The following B3GNT7 variants were observed in gnomAD, a reference collection of about 807,000 sequenced individuals.
B3GNT7 encodes the protein UDP-GlcNAc:betaGal beta-1,3-N-acetylglucosaminyltransferase 7.
B3GNT7 carries 9 observed loss-of-function variants against 5.1 expected under a neutral mutation model. That is an observed-to-expected ratio of 1.77 (90% confidence interval 1.07 to 3.09). The LOEUF (loss-of-function observed/expected upper bound fraction) is 3.09. B3GNT7 is among the 30% of genes most tolerant of loss of function. B3GNT7 has a pLI of 0.00. For missense variants in B3GNT7, 468 were observed against 550.8 expected (o/e 0.85, Z 1.50); for synonymous variants, 253 against 248.6 (o/e 1.02, Z -0.17).
chr2:231,396,701 G>C (rs1309471475), intron 1 of B3GNT7, among the ~76,000 whole-genome samples: 1 of 152,198 alleles, frequency 6.6e-6, no homozygotes, highest in African/African-American at 2.4e-5. Context: ...CCACTCTGCT[G>C]TCCCCAGAGC....
chr2:231,398,578 G>T lies in B3GNT7; in HGVS notation c.859G>T (p.Ala287Ser), dbSNP rs2046536798. ...AGACAACAAATACTACATCCCGGGG[G>T]CCCTGTACGGCAAGGCCAGCTATCC... ...RKDNKYYIPG[A>S]LYGKASYPPY... The change falls in exon 2 of 2, where the codon GCC (alanine) becomes TCC (serine). Residue 287 changes from alanine (A) to serine (S), a missense_variant. Ala to Ser is a moderately conservative substitution (Grantham distance 99). Transcript: ENST00000287590. The T allele has an allele frequency of 6.2e-7, 1 of 1,612,682 alleles. No individual in the cohort carries two copies. Among genetic ancestry groups the T allele is most frequent in the South Asian group, 1.1e-5 (1 of 91,038 alleles).
rs1575237791 is a variant in B3GNT7, at chr2:231,397,958, A to G, written c.239A>G (p.Gln80Arg). ...APTPMASQGP[Q>R]AWDVTTTNCS... The stretch of plus-strand genomic sequence containing the variant: ...ACGCCCATGGCCTCTCAGGGGCCCC[A>G]GGCCTGGGACGTGACCACCACTAAC... Residue 80 changes from glutamine (Q) to arginine (R), a missense_variant, in exon 2 of 2, where the codon CAG becomes CGG. Physicochemically the swap from Gln to Arg is conservative, Grantham distance 43. Transcript: ENST00000287590. 1 of 1,612,770 alleles carries G rather than the reference A, an allele frequency of 6.2e-7. No homozygotes were observed. Among genetic ancestry groups the G allele is most frequent in the South Asian group, 1.1e-5 (1 of 91,088 alleles).
Position 231,398,208 on chromosome 2 carries a change from C to T in B3GNT7, c.489C>T (p.Ser163=), listed in dbSNP as rs555697041. ...IRQTWGRERQ[S]AGGGRGAVRT... is the part of the protein sequence containing the mutation. Reference sequence around the variant, plus strand: ...AGACCTGGGGCCGCGAGCGGCAGTCCGCGGGTGGGGGCCGAGGCGCCGTGC... The same window carrying T: ...AGACCTGGGGCCGCGAGCGGCAGTCTGCGGGTGGGGGCCGAGGCGCCGTGC... Residue 163 remains serine, a synonymous_variant, in exon 2 of 2, where the codon TCC becomes TCT. Transcript: ENST00000287590. The T allele has an allele frequency of 1.1e-4, 177 of 1,596,328 alleles. 2 individuals carry two copies. The highest frequency in any genetic ancestry group is 1.1e-3 in the East Asian group (49 of 44,668).
At position 231,400,184 on chromosome 2, in the gene B3GNT7, A is replaced by G. The variant is rs1488461721; in HGVS notation, c.*1259A>G. On this transcript the variant is annotated 3_prime_UTR_variant, in exon 2 of 2. Coordinates refer to ENST00000287590, the MANE Select transcript of B3GNT7 (RefSeq NM_145236.3). ...CTGTCTGGGGCCAAGGTTGCCAGAG[A>G]TTTCTGAAGACACAGCTTGTTCCTT... 1 of 136,132 alleles carries G rather than the reference A, an allele frequency of 7.3e-6. No individual in the cohort carries two copies. Among genetic ancestry groups the G allele is most frequent in the Admixed American group, 8.5e-5 (1 of 11,810 alleles). 8.4% of individuals were successfully genotyped at this position (136,132 alleles called of 1,614,324 possible). A position where few individuals can be genotyped will look rare whatever the true frequency, so the allele number is the denominator to read the frequency against.
At position 231,395,713 on chromosome 2, in the gene B3GNT7, C is replaced by G; in HGVS notation, c.-91C>G. 8.9e-7 allele frequency: 1 copy of G among 1,121,098 alleles called. No homozygotes were observed. 69.4% of individuals were successfully genotyped at this position (1,121,098 alleles called of 1,614,324 possible). A position where few individuals can be genotyped will look rare whatever the true frequency, so the allele number is the denominator to read the frequency against. On this transcript the variant is annotated 5_prime_UTR_variant, in exon 1 of 2. Transcript: ENST00000287590. This position sits in a 1 kb window ranked among gnomAD's most constrained non-coding sequence, Gnocchi z 7.3. ...CGCGGCGGGGGCGCGGCCCGGTCTC[C>G]GTCCCCACCCGCCCGCCGTCCCGCC...
rs375567551 is a variant in B3GNT7, at chr2:231,398,795, G to T, written c.1076G>T (p.Arg359Leu). Reference sequence around the variant, plus strand: ...GGCATCTCCCGGAACCGCAACAGCCGCATGAACAAGGAGCCGTGCTTTTTC... The same window carrying T: ...GGCATCTCCCGGAACCGCAACAGCCTCATGAACAAGGAGCCGTGCTTTTTC... Reference protein sequence around the residue: ...TFGISRNRNSRMNKEPCFFRA... With the variant: ...TFGISRNRNSLMNKEPCFFRA... Residue 359 changes from arginine to leucine, a missense_variant, in exon 2 of 2, where the codon CGC becomes CTC. Physicochemically the swap from Arg to Leu is moderately radical, Grantham distance 102 (BLOSUM62 -2). Coordinates refer to ENST00000287590, the MANE Select transcript of B3GNT7 (RefSeq NM_145236.3). The T allele has an allele frequency of 4.4e-6, 7 of 1,606,308 alleles. No homozygotes were observed. Among genetic ancestry groups the T allele is most frequent in the Non-Finnish European group, 5.1e-6 (6 of 1,179,840 alleles).
chr2:231,399,169 G>A lies in B3GNT7; in HGVS notation c.*244G>A. 1 of 535,104 alleles carries A rather than the reference G, an allele frequency of 1.9e-6. No homozygotes were observed. Among genetic ancestry groups the A allele is most frequent in the Non-Finnish European group, 3.3e-6 (1 of 300,686 alleles). The allele number at this position is 535,104 out of a possible 1,614,324, so 33.1% of individuals were successfully genotyped here. On this transcript the variant is annotated 3_prime_UTR_variant, in exon 2 of 2. Coordinates refer to ENST00000287590, the MANE Select transcript of B3GNT7 (RefSeq NM_145236.3). The stretch of plus-strand genomic sequence containing the variant: ...GCCCAGTCTGGAGGCCCTCTCTGAG[G>A]AGCGAGGCGCCAGGCCCTGGCAGCC...
At chr2:231,397,696 T>G in intron 1 of B3GNT7, 35 bp from the exon 2 acceptor site, 2 of 1,531,996 alleles carry the variant, frequency 1.3e-6, no homozygotes, top group African/African-American at 2.8e-5. Flanking sequence ...GCTCATCTTT[T>G]CTCTCTCCTC....
rs116209946 is a variant in B3GNT7, at chr2:231,397,783, G to A, written c.64G>A (p.Val22Met). Residue 22 changes from valine (V) to methionine (M), a missense_variant, in exon 2 of 2, where the codon GTG becomes ATG. Physicochemically the swap from Val to Met is conservative, Grantham distance 21. Transcript: ENST00000287590. ...LCLALALLVA[V>M]TVFQRSLTPG... is the part of the protein sequence containing the mutation. ...CCTGGCCCTGGCCCTGCTCGTGGCC[G>A]TGACGGTGTTCCAACGCAGTCTCAC... is the stretch of plus-strand genomic sequence containing the variant. 1,096 of 1,613,704 alleles carry A rather than the reference G, an allele frequency of 6.8e-4. 8 individuals are homozygous for A. In the African/African-American group the frequency reaches 0.012, roughly 18 times the overall value.
rs2046507027 is a variant in B3GNT7 at position 231,395,767 on chromosome 2, AGCCGCTCGCCCCTCC to A, written c.-29_-15del. 1 of 1,170,024 alleles carries A rather than the reference AGCCGCTCGCCCCTCC, an allele frequency of 8.5e-7. No homozygotes were observed. The highest frequency in any genetic ancestry group is 1.6e-5 in the African/African-American group (1 of 61,166). 72.5% of individuals were successfully genotyped at this position (1,170,024 alleles called of 1,614,324 possible). A position where few individuals can be genotyped will look rare whatever the true frequency, so the allele number is the denominator to read the frequency against. On this transcript the variant is annotated 5_prime_UTR_variant, in exon 1 of 2. Transcript: ENST00000287590. The surrounding 1 kb of genome is among the most constrained non-coding windows in gnomAD (Gnocchi z 7.3). The stretch of plus-strand genomic sequence containing the variant: ...CCGAGCCGTGGCGCCCAGAGCTGCG[AGCCGCTCGCCCCTCC>A]GCCGCTCCGGCCCGGGCCGCCATGT...
In B3GNT7 at chr2:231,398,603, C is replaced by T. The variant is rs751482955; in HGVS notation, c.884C>T (p.Pro295Leu). ...PGALYGKASY[P>L]PYAGGGGFLM... ...GCCCTGTACGGCAAGGCCAGCTATC[C>T]GCCGTATGCAGGCGGCGGTGGCTTC... Residue 295 changes from proline to leucine, a missense_variant, in exon 2 of 2, where the codon CCG becomes CTG. Pro to Leu is a moderately conservative substitution (Grantham distance 98). Transcript: ENST00000287590. 2 of 1,612,710 alleles carry T rather than the reference C, an allele frequency of 1.2e-6. No homozygotes were observed. Among genetic ancestry groups the T allele is most frequent in the Non-Finnish European group, 1.7e-6 (2 of 1,179,588 alleles).
rs1235754077 is a variant in B3GNT7 at position 231,401,044 on chromosome 2, G to T, written c.*2119G>T. ...ACTTGATCTATTATGACCCTTTCAC[G>T]TGGACCCCTTAGAGTTGTAAGCTCT... On this transcript the variant is annotated 3_prime_UTR_variant, in exon 2 of 2. Coordinates refer to ENST00000287590, the MANE Select transcript of B3GNT7 (RefSeq NM_145236.3). 1.3e-5 allele frequency: 2 copies of T among 152,152 alleles called. No homozygotes were observed. The highest frequency in any genetic ancestry group is 2.9e-5 in the Non-Finnish European group (2 of 68,032). The allele number at this position is 152,152 out of a possible 1,614,324, so 9.4% of individuals were successfully genotyped here. A position where few individuals can be genotyped will look rare whatever the true frequency, so the allele number is the denominator to read the frequency against.
Position 231,395,896 on chromosome 2 carries a change from G to A in B3GNT7, c.11+82G>A. 1.0e-6 allele frequency: 1 copy of A among 990,292 alleles called. No homozygotes were observed. Among genetic ancestry groups the A allele is most frequent in the Non-Finnish European group, 1.3e-6 (1 of 791,538 alleles). 61.3% of individuals were successfully genotyped at this position (990,292 alleles called of 1,614,324 possible). A position where few individuals can be genotyped will look rare whatever the true frequency, so the allele number is the denominator to read the frequency against. ...CCCTCCTCCGTGGCCACAGACGGGC[G>A]CCGGGACTCCCGGGATAGGAGATGC... On this transcript the variant is annotated intron_variant, in intron 1 of 1. Coordinates refer to ENST00000287590, the MANE Select transcript of B3GNT7 (RefSeq NM_145236.3). This position sits in a 1 kb window ranked among gnomAD's most constrained non-coding sequence, Gnocchi z 7.3.
rs781128304 is a variant in B3GNT7, at chr2:231,397,831, C to A, written c.112C>A (p.Pro38Thr). 3.7e-6 allele frequency: 6 copies of A among 1,613,672 alleles called. No individual in the cohort carries two copies. The African/African-American group carries it at 4.0e-5, about 11-fold the overall frequency. ...SLTPGQFLQE[P>T]PPPTLEPQKA... ...CACCCCTGGTCAGTTTCTGCAGGAGCCTCCGCCACCCACCCTGGAGCCACA... is the reference window on the plus strand; with the variant it reads ...CACCCCTGGTCAGTTTCTGCAGGAGACTCCGCCACCCACCCTGGAGCCACA... Residue 38 changes from proline (P) to threonine (T), a missense_variant, in exon 2 of 2, where the codon CCT becomes ACT. Physicochemically the swap from Pro to Thr is conservative, Grantham distance 38. Coordinates refer to ENST00000287590, the MANE Select transcript of B3GNT7 (RefSeq NM_145236.3).
chr2:231,395,907 C>T lies in B3GNT7; in HGVS notation c.11+93C>T. 1.1e-6 allele frequency: 1 copy of T among 907,446 alleles called. No homozygotes were observed. Among genetic ancestry groups the T allele is most frequent in the Non-Finnish European group, 1.4e-6 (1 of 717,986 alleles). The allele number at this position is 907,446 out of a possible 1,614,324, so 56.2% of individuals were successfully genotyped here. Reference sequence around the variant, plus strand: ...GGCCACAGACGGGCGCCGGGACTCCCGGGATAGGAGATGCCCCCGCGCGCG... The same window carrying T: ...GGCCACAGACGGGCGCCGGGACTCCTGGGATAGGAGATGCCCCCGCGCGCG... On this transcript the variant is annotated intron_variant, in intron 1 of 1. Coordinates refer to ENST00000287590, the MANE Select transcript of B3GNT7 (RefSeq NM_145236.3). This position sits in a 1 kb window ranked among gnomAD's most constrained non-coding sequence, Gnocchi z 7.3.
At position 231,398,591 on chromosome 2, in the gene B3GNT7, A is replaced by T; in HGVS notation, c.872A>T (p.Lys291Met). The change falls in exon 2 of 2, where the codon AAG becomes ATG. Residue 291 changes from lysine to methionine, a missense_variant. Transcript: ENST00000287590. ...KYYIPGALYG[K>M]ASYPPYAGGG... ...TACATCCCGGGGGCCCTGTACGGCAAGGCCAGCTATCCGCCGTATGCAGGC... is the reference window on the plus strand; with the variant it reads ...TACATCCCGGGGGCCCTGTACGGCATGGCCAGCTATCCGCCGTATGCAGGC... 3 of 1,612,844 alleles carry T rather than the reference A, an allele frequency of 1.9e-6. No homozygotes were observed. The highest frequency in any genetic ancestry group is 2.5e-6 in the Non-Finnish European group (3 of 1,179,618).
In B3GNT7 at chr2:231,397,828, G is replaced by A. The variant is rs565171249; in HGVS notation, c.109G>A (p.Glu37Lys). The change falls in exon 2 of 2, where the codon GAG (glutamate) becomes AAG (lysine). Residue 37 changes from glutamate (E) to lysine (K), a missense_variant. Glu to Lys is a moderately conservative substitution (Grantham distance 56). Transcript: ENST00000287590. ...RSLTPGQFLQ[E>K]PPPPTLEPQK... ...TCTCACCCCTGGTCAGTTTCTGCAG[G>A]AGCCTCCGCCACCCACCCTGGAGCC... 94 of 1,613,766 alleles carry A rather than the reference G, an allele frequency of 5.8e-5. 2 individuals carry two copies. The South Asian group carries it at 9.8e-4, about 17-fold the overall frequency.
rs1326997390 is a variant in B3GNT7, at chr2:231,398,646, G to T, written c.927G>T (p.Leu309=). ...GGGGFLMAGS[L]ARRLHHACDT... ...GTGGCTTCCTCATGGCCGGCAGCCT[G>T]GCCCGGCGCCTGCACCATGCCTGCG... is the stretch of plus-strand genomic sequence containing the variant. Residue 309 remains leucine, a synonymous_variant, in exon 2 of 2, where the codon CTG becomes CTT. Coordinates refer to ENST00000287590, the MANE Select transcript of B3GNT7 (RefSeq NM_145236.3). 6.2e-7 allele frequency: 1 copy of T among 1,611,964 alleles called. No homozygotes were observed. The highest frequency in any genetic ancestry group is 1.1e-5 in the South Asian group (1 of 91,032).
intron 1 of B3GNT7, among the ~76,000 whole-genome samples, chr2:231,396,900 G>A (rs894002270): frequency 1.3e-5 from 2 of 152,108 alleles, no homozygotes; most frequent in African/African-American, 4.8e-5. Context: ...GGGGTGGGGG[G>A]GTCTCTGGGC....
Sources: allele counts gnomAD v4.1 joint callset (sites outside exome capture counted in the v4.1 genomes callset), GRCh38; gene constraint gnomAD v4.1.1; non-coding constraint Gnocchi (gnomAD v3.1); transcripts MANE v1.5; gene names NCBI Gene and HGNC (gene_info 2026-07-23, HGNC 2026-07-21).